ADCYAP1R1: variants seen among roughly 807,000 people sequenced by gnomAD.
The protein encoded by ADCYAP1R1 is ADCYAP receptor type I.
ADCYAP1R1 carries 44 observed loss-of-function variants against 67.6 expected under a neutral mutation model. That is an observed-to-expected ratio of 0.65 (90% CI 0.51 to 0.84). The LOEUF (loss-of-function observed/expected upper bound fraction) is 0.84, where lower values mean the gene tolerates loss of function less well. ADCYAP1R1 is among the 40% of genes least tolerant of loss of function. The probability of loss-of-function intolerance (pLI) is 0.00; values close to 1 mark genes in which losing one functional copy is unlikely to be tolerated. For missense variants in ADCYAP1R1, 477 were observed against 587.9 expected (o/e 0.81, Z 1.95); for synonymous variants, 222 against 219.6 (o/e 1.01, Z -0.10).
In ADCYAP1R1 at chr7:31,105,050, G is replaced by T. The variant is rs529499824; in HGVS notation, c.1218+141G>T. 94 of 856,730 alleles carry T rather than the reference G, an allele frequency of 1.1e-4. 1 individual carries two copies. In the South Asian group the frequency reaches 1.3e-3, roughly 12 times the overall value. The allele number at this position is 856,730 out of a possible 1,614,324, so 53.1% of individuals were successfully genotyped here. Reference sequence around the variant, plus strand: ...CTCCCAGCACTGAGAGGAGGGGCTGGTCATACAGCTCCTGGCATTGTGTGG... The same window carrying T: ...CTCCCAGCACTGAGAGGAGGGGCTGTTCATACAGCTCCTGGCATTGTGTGG... On this transcript the variant is annotated intron_variant, in intron 15 of 15. Transcript: ENST00000304166.
At chr7:31,093,853 A>T (rs1796072634) in intron 13 of ADCYAP1R1, among the ~76,000 whole-genome samples, 1 of 152,076 alleles carries the variant, frequency 6.6e-6, no homozygotes, top group Non-Finnish European at 1.5e-5. Flanking sequence ...GAGAGATCCC[A>T]GTACAGGGTT....
intron 1 of ADCYAP1R1, among the ~76,000 whole-genome samples, chr7:31,054,893 G>C (rs1285592510): frequency 6.6e-6 from 1 of 152,246 alleles, no homozygotes; most frequent in Admixed American, 6.5e-5. Context: ...GCTGCCAAGT[G>C]GCTTTCCACC....
In ADCYAP1R1 at chr7:31,110,432, A is replaced by G. The variant is rs1408329993; in HGVS notation, c.*3748A>G. The G allele has an allele frequency of 6.6e-6, 1 of 152,148 alleles. No homozygotes were observed. The allele number at this position is 152,148 out of a possible 1,614,324, so 9.4% of individuals were successfully genotyped here. ...AAGCTGGGAGGAAACTTGGAGATCT[A>G]TAGGTCAAACCTCCCCATTGGGCTG... On this transcript the variant is annotated 3_prime_UTR_variant, in exon 16 of 16. Transcript: ENST00000304166.
intron 1 of ADCYAP1R1, among the ~76,000 whole-genome samples, chr7:31,054,318 G>A (rs954837398): frequency 3.9e-5 from 6 of 152,156 alleles, no homozygotes; most frequent in African/African-American, 1.2e-4. Flanking sequence ...GGTGAGGGGA[G>A]GTGTCTGTGG....
intron 3 of ADCYAP1R1, among the ~76,000 whole-genome samples, chr7:31,068,562 A>G (rs541258478): frequency 2.9e-4 from 44 of 152,324 alleles, no homozygotes; most frequent in African/African-American, 9.4e-4. Flanking sequence ...GGACCCTGAA[A>G]TGTGCTCCAG....
chr7:31,087,755 G>T (rs964310909), intron 12 of ADCYAP1R1, 59 bp downstream of exon 12: 48 of 1,415,702 alleles, frequency 3.4e-5, no homozygotes, highest in East Asian at 4.6e-5. Flanking sequence ...AGAAAGGCAC[G>T]CGAGGAAGAG....
At chr7:31,052,936 C>T (rs1794079622) in intron 1 of ADCYAP1R1, among the ~76,000 whole-genome samples, 1 of 152,236 alleles carries the variant, frequency 6.6e-6, no homozygotes, top group Non-Finnish European at 1.5e-5. Flanking sequence ...GCGCTGCGCT[C>T]GGGGCGGCCG....
chr7:31,053,075 C>G (rs1230343100), intron 1 of ADCYAP1R1, among the ~76,000 whole-genome samples: 2 of 152,196 alleles, frequency 1.3e-5, no homozygotes, highest in African/African-American at 4.8e-5. Context: ...CCTCCCTACC[C>G]TTAGGTGGAC....
intron 1 of ADCYAP1R1, among the ~76,000 whole-genome samples, chr7:31,062,096 C>T (rs1279794628): frequency 6.6e-6 from 1 of 152,194 alleles, no homozygotes; most frequent in Admixed American, 6.5e-5. Flanking sequence ...TTAAAGGATG[C>T]TGTGGTGAAT....
At chr7:31,059,168 A>G (rs988587329) in intron 1 of ADCYAP1R1, among the ~76,000 whole-genome samples, 1 of 152,124 alleles carries the variant, frequency 6.6e-6, no homozygotes, top group African/African-American at 2.4e-5. Context: ...TAATAATAAT[A>G]GTTAACACAT....
intron 3 of ADCYAP1R1, among the ~76,000 whole-genome samples, chr7:31,071,901 T>G (rs1041534632): frequency 6.6e-6 from 1 of 152,074 alleles, no homozygotes; most frequent in African/African-American, 2.4e-5. Flanking sequence ...GCTTTCCAAC[T>G]TGCCTAATTC....
At chr7:31,062,720 T>C (rs1260116461) in intron 1 of ADCYAP1R1, among the ~76,000 whole-genome samples, 2 of 152,240 alleles carry the variant, frequency 1.3e-5, no homozygotes, top group Non-Finnish European at 2.9e-5. Flanking sequence ...CATGCCCTCA[T>C]GCACAGAGGG....
chr7:31,059,215 C>G (rs974401861), intron 1 of ADCYAP1R1, among the ~76,000 whole-genome samples: 6 of 152,086 alleles, frequency 3.9e-5, no homozygotes, highest in African/African-American at 1.2e-4. Flanking sequence ...ATAGTATATA[C>G]TCTATAGTTT....
chr7:31,081,664 TA>T, intron 5 of ADCYAP1R1, 48 bp from the exon 6 acceptor site: 1 of 1,498,916 alleles, frequency 6.7e-7, no homozygotes, highest in Non-Finnish European at 9.1e-7. Context: ...AAACAGTAGC[TA>T]ACTGTAAGCC....
At chr7:31,087,204 A>T (rs1795785883) in intron 11 of ADCYAP1R1, among the ~76,000 whole-genome samples, 1 of 152,192 alleles carries the variant, frequency 6.6e-6, no homozygotes, top group Non-Finnish European at 1.5e-5. Flanking sequence ...CCAGCAACCC[A>T]GCAAGAGAAT....
rs1208771732 is a variant in ADCYAP1R1, at chr7:31,100,120, C to T, written c.1047-3117C>T. 9.0e-6 allele frequency: 14 copies of T among 1,550,406 alleles called. No individual in the cohort carries two copies. The East Asian group carries it at 2.2e-4, about 24-fold the overall frequency. On this transcript the variant is annotated intron_variant, in intron 13 of 15. Transcript: ENST00000304166. ...GCTGACAGAAGTGCTAATCTTGTCA[C>T]ACCCAGCAGCTGCGTGCAGAAATGC...
At chr7:31,066,036 T>G (rs947270496) in intron 3 of ADCYAP1R1, among the ~76,000 whole-genome samples, 1 of 151,606 alleles carries the variant, frequency 6.6e-6, no homozygotes, top group African/African-American at 2.4e-5. Flanking sequence ...TAACCAAGGT[T>G]GAACGTGGAT....
At position 31,095,440 on chromosome 7, in the gene ADCYAP1R1, C is replaced by T. The variant is rs530327272; in HGVS notation, c.1046+2705C>T. On this transcript the variant is annotated intron_variant, in intron 13 of 15. Coordinates refer to ENST00000304166, the MANE Select transcript of ADCYAP1R1 (RefSeq NM_001118.5). ...TGGGTTCCAGCCTGTGTGAAAGCCC[C>T]CTCAGCCCAGAGTGCTTGGCAGAGC... Among the ~76,000 whole-genome samples the T allele has an allele frequency of 6.4e-4, 98 of 152,254 alleles. 1 individual carries two copies. The Middle Eastern group carries it at 0.017, about 26-fold the overall frequency.
rs1796671889 is a variant in ADCYAP1R1 at position 31,106,885 on chromosome 7, C to A, written c.*201C>A. The A allele has an allele frequency of 4.8e-6, 3 of 618,656 alleles. No individual in the cohort carries two copies. Among genetic ancestry groups the A allele is most frequent in the Non-Finnish European group, 8.0e-6 (3 of 374,986 alleles). The allele number at this position is 618,656 out of a possible 1,614,324, so 38.3% of individuals were successfully genotyped here. Reference sequence around the variant, plus strand: ...TGGTACTGGTCCCACCCACTGTGGTCCCCTGGGCCCTGACCCCAGACATGT... The same window carrying A: ...TGGTACTGGTCCCACCCACTGTGGTACCCTGGGCCCTGACCCCAGACATGT... On this transcript the variant is annotated 3_prime_UTR_variant, in exon 16 of 16. Transcript: ENST00000304166.
Sources: allele counts gnomAD v4.1 joint callset (sites outside exome capture counted in the v4.1 genomes callset), GRCh38; gene constraint gnomAD v4.1.1; transcripts MANE v1.5; gene names NCBI Gene and HGNC (gene_info 2026-07-23, HGNC 2026-07-21).